The following PRKG1 variants were observed in gnomAD, a reference collection of about 807,000 sequenced individuals.
The protein encoded by PRKG1 is protein kinase cGMP-dependent 1.
PRKG1 carries 35 observed loss-of-function variants against 88.1 expected under a neutral mutation model. The ratio of observed to expected loss-of-function variants is 0.40; its 90% CI spans 0.30 to 0.53. The LOEUF (loss-of-function observed/expected upper bound fraction) is 0.53. Ranked by LOEUF, PRKG1 falls within the 20% of genes least tolerant of loss-of-function variation. The pLI is 0.59. For missense variants in PRKG1, 540 were observed against 839.8 expected (o/e 0.64, Z 4.41); for synonymous variants, 303 against 292.5 (o/e 1.04, Z -0.37).
rs1200312747 is a variant in PRKG1 at position 52,271,495 on chromosome 10, G to A, written c.1313+6G>A. 1.9e-6 allele frequency: 3 copies of A among 1,611,258 alleles called. No homozygotes were observed. The highest frequency in any genetic ancestry group is 2.5e-6 in the Non-Finnish European group (3 of 1,178,400). On this transcript the variant is annotated splice_donor_region_variant and intron_variant, in intron 11 of 17. Coordinates refer to ENST00000373980, the MANE Select transcript of PRKG1 (RefSeq NM_006258.4). The stretch of plus-strand genomic sequence containing the variant: ...CATTCCGATTTCATAGTGAGGTAAA[G>A]GCTCCATGCCAGGGACAGACGTACC...
chr10:51,817,347 A>ACCCCCCCCCCCCCCC (rs367740899), intron 4 of PRKG1, among the ~76,000 whole-genome samples: 1 of 129,590 alleles, frequency 7.7e-6, no homozygotes, highest in Non-Finnish European at 1.7e-5. Context: ...TCCCTCCCCA[A>ACCCCCCCCCCCCCCC]CCCCCCCCCT....
chr10:51,858,058 A>G lies in PRKG1; in HGVS notation c.699-49449A>G, dbSNP rs1308702742. 2.2e-5 allele frequency among the ~76,000 whole-genome samples: 2 copies of G among 91,778 alleles called. 1 individual carries two copies. Among genetic ancestry groups the G allele is most frequent in the Non-Finnish European group, 4.5e-5 (2 of 44,274 alleles). The allele number at this position is 91,778 out of a possible 152,430, so 60.2% of individuals were successfully genotyped here. The stretch of plus-strand genomic sequence containing the variant: ...GATTTAATGGCATAAAAGGAAATAT[A>G]TATGCATATTATACATATATATAAT... On this transcript the variant is annotated intron_variant, in intron 4 of 17. Transcript: ENST00000373980.
chr10:51,491,374 A>T (rs960620628), intron 3 of PRKG1, among the ~76,000 whole-genome samples: 1 of 152,120 alleles, frequency 6.6e-6, no homozygotes, highest in Non-Finnish European at 1.5e-5. Flanking sequence ...TCAGATGGAA[A>T]ATTTGACAGG....
rs557527194 is a variant in PRKG1, at chr10:52,049,760, G to A, written c.763-4724G>A. The stretch of plus-strand genomic sequence containing the variant: ...AGCCTTTCTAATAGACTGACTGTGG[G>A]CAATATTAATGATGGGGATTAAGGA... On this transcript the variant is annotated intron_variant, in intron 5 of 17. Coordinates refer to ENST00000373980, the MANE Select transcript of PRKG1 (RefSeq NM_006258.4). 3.9e-5 allele frequency among the ~76,000 whole-genome samples: 6 copies of A among 152,102 alleles called. No individual in the cohort carries two copies. The South Asian group carries it at 1.0e-3, about 26-fold the overall frequency.
chr10:51,703,200 A>T (rs1021220772), intron 3 of PRKG1, among the ~76,000 whole-genome samples: 1 of 152,226 alleles, frequency 6.6e-6, no homozygotes, highest in African/African-American at 2.4e-5. Flanking sequence ...ACATCAGAAT[A>T]CAAAAATTCT....
chr10:51,639,489 T>TA (rs1353156782), intron 3 of PRKG1, among the ~76,000 whole-genome samples: 1 of 113,252 alleles, frequency 8.8e-6, no homozygotes, highest in East Asian at 2.3e-4. Context: ...GACATGAGAT[T>TA]AAAAAAAAGA....
At chr10:51,770,747 C>T (rs983594797) in intron 3 of PRKG1, among the ~76,000 whole-genome samples, 1 of 152,128 alleles carries the variant, frequency 6.6e-6, no homozygotes, top group African/African-American at 2.4e-5. Flanking sequence ...ATCATGAAAC[C>T]ATCCCCTACA....
intron 3 of PRKG1, among the ~76,000 whole-genome samples, chr10:51,741,634 G>A (rs909185068): frequency 1.3e-5 from 2 of 152,100 alleles, no homozygotes; most frequent in Non-Finnish European, 2.9e-5. Flanking sequence ...ATATAATTTA[G>A]TACCAAAATG....
At chr10:51,288,806 T>C (rs1470819339) in intron 2 of PRKG1, among the ~76,000 whole-genome samples, 1 of 152,222 alleles carries the variant, frequency 6.6e-6, no homozygotes, top group Non-Finnish European at 1.5e-5. Flanking sequence ...GTGTAGTTAT[T>C]CTGTACATCT....
intron 9 of PRKG1, among the ~76,000 whole-genome samples, chr10:52,183,333 A>G (rs1779903270): frequency 6.6e-6 from 1 of 152,158 alleles, no homozygotes; most frequent in Non-Finnish European, 1.5e-5. Flanking sequence ...GTACAAAGGA[A>G]CTGTTTCTCA....
At chr10:51,793,156 A>C (rs74853504) in intron 3 of PRKG1, among the ~76,000 whole-genome samples, 5 of 149,790 alleles carry the variant, frequency 3.3e-5, no homozygotes, top group Non-Finnish European at 5.9e-5. Context: ...AAAAAAAAAA[A>C]AACCAGAACA....
intron 1 of PRKG1, among the ~76,000 whole-genome samples, chr10:51,018,788 C>T (rs1164891671): frequency 2.6e-5 from 4 of 152,194 alleles, no homozygotes; most frequent in Admixed American, 2.6e-4. Context: ...AATTAGAAAT[C>T]ACACATTGAC....
intron 2 of PRKG1, among the ~76,000 whole-genome samples, chr10:51,157,571 T>C (rs1162817106): frequency 2.0e-5 from 3 of 151,930 alleles, no homozygotes; most frequent in Non-Finnish European, 2.9e-5. Flanking sequence ...TGATTTATAA[T>C]TGGTGATGCA....
intron 5 of PRKG1, among the ~76,000 whole-genome samples, chr10:52,006,796 A>C (rs1844747410): frequency 6.6e-6 from 1 of 152,186 alleles, no homozygotes; most frequent in Non-Finnish European, 1.5e-5. Context: ...ATATTACATA[A>C]GGAGATCATT....
intron 8 of PRKG1, among the ~76,000 whole-genome samples, chr10:52,156,174 G>A (rs538403109): frequency 5.3e-5 from 8 of 151,876 alleles, no homozygotes; most frequent in Non-Finnish European, 8.8e-5. Context: ...AGTGTCTCTT[G>A]CAAATATAAA....
chr10:51,860,640 T>C (rs6480518), intron 4 of PRKG1, among the ~76,000 whole-genome samples: 132,983 of 152,160 alleles, frequency 0.87, 58,250 homozygotes, highest in East Asian at 0.94. Flanking sequence ...TGCTCTAAGG[T>C]CCCATTCAGT....
intron 2 of PRKG1, among the ~76,000 whole-genome samples, chr10:51,366,960 G>C (rs759686016): frequency 6.6e-6 from 1 of 151,756 alleles, no homozygotes; most frequent in Non-Finnish European, 1.5e-5. Flanking sequence ...TTGTAATCCA[G>C]GTGTCTTGGG....
chr10:51,074,413 G>C, upstream of PRKG1: 3 of 1,435,774 alleles, frequency 2.1e-6, no homozygotes, highest in Non-Finnish European at 2.8e-6. Flanking sequence ...CTGAAACTCT[G>C]GGTGGCTGGA....
intron 9 of PRKG1, among the ~76,000 whole-genome samples, chr10:52,183,796 C>G (rs1416499567): frequency 6.6e-6 from 1 of 152,234 alleles, no homozygotes; most frequent in African/African-American, 2.4e-5. Flanking sequence ...TAATCTAGAG[C>G]AATGCAGCCA....
Sources: gnomAD v4.1 joint callset for allele counts (sites outside exome capture counted in the v4.1 genomes callset) on GRCh38, gnomAD v4.1.1 for gene constraint, MANE v1.5 for transcripts, NCBI Gene and HGNC (gene_info 2026-07-23, HGNC 2026-07-21) for gene names.